Variants in JMJD1C observed in about 807,000 individuals in gnomAD.
JMJD1C encodes the protein jumonji domain-containing protein 1C.
JMJD1C carries 31 observed loss-of-function variants against 245.3 expected under a neutral mutation model. That is an observed-to-expected ratio of 0.13 (90% confidence interval 0.09 to 0.17). JMJD1C has a LOEUF of 0.17. Ranked by LOEUF, JMJD1C falls within the 10% of genes least tolerant of loss-of-function variation. JMJD1C has a pLI of 1.00. For missense variants in JMJD1C, 2,691 were observed against 3,000.2 expected (o/e 0.90, Z 2.41); for synonymous variants, 1,057 against 1,017.4 (o/e 1.04, Z -0.74).
At chr10:63,254,186 C>G (rs926518308) in intron 3 of JMJD1C, among the ~76,000 whole-genome samples, 3 of 150,510 alleles carry the variant, frequency 2.0e-5, no homozygotes, top group African/African-American at 4.9e-5. Flanking sequence ...TATGCACAAC[C>G]AAAAAAACAA....
At chr10:63,421,691 A>G (rs1950136186) in intron 1 of JMJD1C, among the ~76,000 whole-genome samples, 1 of 152,206 alleles carries the variant, frequency 6.6e-6, no homozygotes, top group South Asian at 2.1e-4. Context: ...AATAAATGAG[A>G]TCATATGGGT....
At chr10:63,295,517 A>T (rs113397658) in intron 2 of JMJD1C, among the ~76,000 whole-genome samples, 140 of 152,258 alleles carry the variant, frequency 9.2e-4, no homozygotes, top group Non-Finnish European at 1.7e-3. Flanking sequence ...ATGATTCTAT[A>T]TAGGCTCACC....
chr10:63,177,782 G>C lies in JMJD1C; in HGVS notation c.7159C>G (p.Pro2387Ala), dbSNP rs1217362752. The C allele has an allele frequency of 1.9e-6, 3 of 1,613,550 alleles. No homozygotes were observed. In the Admixed American group the frequency reaches 5.0e-5, roughly 27 times the overall value. Residue 2387 changes from proline (P) to alanine (A), a missense_variant, in exon 23 of 26, where the codon CCT (proline) becomes GCT (alanine). By Grantham distance (27) the Pro-to-Ala change is conservative. Coordinates refer to ENST00000399262, the MANE Select transcript of JMJD1C (RefSeq NM_032776.3). ...RKRLKDSSEI[P>A]GALWHIYAGK... ...GCATAAATATGCCACAGAGCACCAG[G>C]TATTTCACTTGAGTCCTTCAATCTT...
At chr10:63,272,543 C>T (rs1276340522) in intron 2 of JMJD1C, among the ~76,000 whole-genome samples, 1 of 152,196 alleles carries the variant, frequency 6.6e-6, no homozygotes, top group Non-Finnish European at 1.5e-5. Flanking sequence ...TGAGCCACTG[C>T]TCCCAGCCAA....
chr10:63,388,025 T>G (rs1413685127), intron 1 of JMJD1C, among the ~76,000 whole-genome samples: 1 of 152,128 alleles, frequency 6.6e-6, no homozygotes, highest in Non-Finnish European at 1.5e-5. Flanking sequence ...AAATTTTTTG[T>G]GTTTGAGGAG....
intron 2 of JMJD1C, among the ~76,000 whole-genome samples, chr10:63,376,237 TAA>T (rs1012890418): frequency 2.4e-4 from 36 of 152,078 alleles, no homozygotes; most frequent in African/African-American, 8.2e-4. Flanking sequence ...CATCTACACG[TAA>T]AAAAAAGCTG....
chr10:63,440,348 A>AT (rs1411703266), intron 1 of JMJD1C, among the ~76,000 whole-genome samples: 39 of 72,054 alleles, frequency 5.4e-4, no homozygotes, highest in Middle Eastern at 5.8e-3. Context: ...AAGAAAAAAA[A>AT]AAAAAATATA....
At chr10:63,502,123 T>C (rs1276880488) in intron 1 of JMJD1C, among the ~76,000 whole-genome samples, 1 of 152,236 alleles carries the variant, frequency 6.6e-6, no homozygotes, top group Non-Finnish European at 1.5e-5. Context: ...TGAAACATGT[T>C]GCAAGAAAAT....
Position 63,336,381 on chromosome 10 carries a change from C to G in JMJD1C, c.333+43937G>C, listed in dbSNP as rs189741694. 1.9e-3 allele frequency among the ~76,000 whole-genome samples: 283 copies of G among 152,126 alleles called. 1 individual carries two copies. The highest frequency in any genetic ancestry group is 7.2e-3 in the Admixed American group (110 of 15,280). On this transcript the variant is annotated intron_variant, in intron 2 of 25. Coordinates refer to ENST00000399262, the MANE Select transcript of JMJD1C (RefSeq NM_032776.3). The stretch of plus-strand genomic sequence containing the variant: ...GCTGACGCAGGAGAACTGCTTGAAC[C>G]CAGGAGGCAGAGGTTGCAGTGGGCC...
intron 3 of JMJD1C, among the ~76,000 whole-genome samples, chr10:63,243,372 C>A (rs1237281434): frequency 6.6e-6 from 1 of 151,518 alleles, no homozygotes; most frequent in Non-Finnish European, 1.5e-5. Context: ...ACCAAAAATA[C>A]AAAATTAGCC....
chr10:63,211,083 G>A (rs543582438), intron 8 of JMJD1C, among the ~76,000 whole-genome samples: 2 of 152,124 alleles, frequency 1.3e-5, no homozygotes, highest in Non-Finnish European at 2.9e-5. Context: ...TTTGCAACAG[G>A]AATAAACCAC....
Position 63,215,338 on chromosome 10 carries a change from T to A in JMJD1C, c.940A>T (p.Arg314Trp). The change falls in exon 7 of 26, where the codon AGG becomes TGG. Residue 314 changes from arginine to tryptophan, a missense_variant. Physicochemically the swap from Arg to Trp is moderately radical, Grantham distance 101 (BLOSUM62 -3). Coordinates refer to ENST00000399262, the MANE Select transcript of JMJD1C (RefSeq NM_032776.3). ...QQQRSIRPNK[R>W]KGSDSSIPDE... The stretch of plus-strand genomic sequence containing the variant: ...GGTATACTGCTATCTGAGCCCTTCC[T>A]CTTATTTGGACGGATACTTCTTTGT... 1 of 1,614,120 alleles carries A rather than the reference T, an allele frequency of 6.2e-7. No individual in the cohort carries two copies. The highest frequency in any genetic ancestry group is 8.5e-7 in the Non-Finnish European group (1 of 1,179,994).
At chr10:63,357,362 A>G (rs1220411762) in intron 2 of JMJD1C, among the ~76,000 whole-genome samples, 2 of 152,060 alleles carry the variant, frequency 1.3e-5, no homozygotes, top group African/African-American at 2.4e-5. Flanking sequence ...CTGGAGTGCA[A>G]TGGCACAATA....
chr10:63,206,026 A>T (rs1238564082), intron 10 of JMJD1C, among the ~76,000 whole-genome samples: 5 of 152,180 alleles, frequency 3.3e-5, no homozygotes, highest in African/African-American at 9.6e-5. Context: ...GTTATGCAGC[A>T]CATGACTGTA....
chr10:63,412,427 C>A (rs867005727), intron 1 of JMJD1C, among the ~76,000 whole-genome samples: 2 of 152,100 alleles, frequency 1.3e-5, no homozygotes, highest in Non-Finnish European at 2.9e-5. Flanking sequence ...GCAAGGACTG[C>A]GAGAGATCAT....
intron 4 of JMJD1C, among the ~76,000 whole-genome samples, chr10:63,218,732 T>C (rs1014976008): frequency 1.3e-5 from 2 of 152,186 alleles, no homozygotes; most frequent in Non-Finnish European, 2.9e-5. Flanking sequence ...AAAATTTGCC[T>C]GGTTTCTTCA....
At position 63,300,320 on chromosome 10, in the gene JMJD1C, T is replaced by G. The variant is rs889960285; in HGVS notation, c.334-35556A>C. Among the ~76,000 whole-genome samples, 3 of 152,100 alleles carry G rather than the reference T, an allele frequency of 2.0e-5. No homozygotes were observed. The East Asian group carries it at 5.8e-4, about 29-fold the overall frequency. Reference sequence around the variant, plus strand: ...CCTGGTTATCAAAAGCACAATAAGATTAGAGATGAAAATATTTGTACCAAA... The same window carrying G: ...CCTGGTTATCAAAAGCACAATAAGAGTAGAGATGAAAATATTTGTACCAAA... On this transcript the variant is annotated intron_variant, in intron 2 of 25. Transcript: ENST00000399262.
chr10:63,361,545 TGACAAATAGTTC>T (rs1945325084), intron 2 of JMJD1C, among the ~76,000 whole-genome samples: 1 of 152,034 alleles, frequency 6.6e-6, no homozygotes, highest in Non-Finnish European at 1.5e-5. Context: ...CTCTGGGGTT[TGACAAATAGTTC>T]AATTGAAAGC....
chr10:63,168,286 A>T, intron 25 of JMJD1C, 149 bp downstream of exon 25: 1 of 1,002,772 alleles, frequency 1.0e-6, no homozygotes, highest in Non-Finnish European at 1.5e-6. Flanking sequence ...GACACTATAA[A>T]TCATACAATT....
Sources: gnomAD v4.1 joint callset for allele counts (sites outside exome capture counted in the v4.1 genomes callset) on GRCh38, gnomAD v4.1.1 for gene constraint, MANE v1.5 for transcripts, NCBI Gene and HGNC (gene_info 2026-07-23, HGNC 2026-07-21) for gene names.